The following MGST1 variants were observed in gnomAD, a reference collection of about 807,000 sequenced individuals.
MGST1 encodes the protein microsomal glutathione S-transferase 1.
MGST1 carries 5 observed loss-of-function variants against 8.9 expected under a neutral mutation model. That is an observed-to-expected ratio of 0.56 (90% CI 0.29 to 1.19). The LOEUF is 1.19. Ranked by LOEUF, MGST1 falls within the 50% of genes most tolerant of loss-of-function variation. MGST1 has a pLI of 0.08. For missense variants in MGST1, 182 were observed against 187.4 expected (o/e 0.97, Z 0.17); for synonymous variants, 54 against 67.8 (o/e 0.80, Z 1.00).
downstream of MGST1, among the ~76,000 whole-genome samples, chr12:16,591,406 C>T (rs926122653): frequency 6.6e-6 from 1 of 152,016 alleles, no homozygotes; most frequent in Non-Finnish European, 1.5e-5. This position sits in a 1 kb window ranked among gnomAD's most constrained non-coding sequence, Gnocchi z 4.1. Context: ...ATTCTACAAA[C>T]CTCTTGTACT....
chr12:16,567,039 A>G (rs1211368651), intron 4 of MGST1, among the ~76,000 whole-genome samples: 2 of 152,152 alleles, frequency 1.3e-5, no homozygotes, highest in African/African-American at 4.8e-5. Context: ...TACTAAAAAT[A>G]TGAAAAATTA....
exon 4 of MGST1, chr12:16,376,256 T>A (rs1021813250): frequency 3.0e-4 from 184 of 607,594 alleles, no homozygotes; most frequent in Non-Finnish European, 4.7e-4. Context: ...ATTTATCTTT[T>A]CAACATCTAA....
intron 4 of MGST1, among the ~76,000 whole-genome samples, chr12:16,473,373 A>G (rs1591739397): frequency 6.6e-6 from 1 of 152,332 alleles, no homozygotes; most frequent in East Asian, 1.9e-4. Flanking sequence ...GAGATTAAGT[A>G]ATTCAGCTCT....
chr12:16,401,389 G>T lies in MGST1; in HGVS notation n.778+17785G>T, dbSNP rs1940654602. ...TCCCACCCCAAATCCTAGGTTTCTG[G>T]TAATTTTGTTCAGGAGTTCTGGCTT... On this transcript the variant is annotated intron_variant and non_coding_transcript_variant, in intron 1 of 1. Transcript: ENST00000359720. This position sits in a 1 kb window ranked among gnomAD's most constrained non-coding sequence, Gnocchi z 4.3. The T allele has an allele frequency of 9.1e-7, 1 of 1,103,428 alleles. No individual in the cohort carries two copies. The highest frequency in any genetic ancestry group is 1.5e-5 in the African/African-American group (1 of 64,890). 68.4% of individuals were successfully genotyped at this position (1,103,428 alleles called of 1,614,324 possible). A position where few individuals can be genotyped will look rare whatever the true frequency, so the allele number is the denominator to read the frequency against.
At chr12:16,461,279 T>C (rs1052702833) in intron 4 of MGST1, among the ~76,000 whole-genome samples, 1 of 152,072 alleles carries the variant, frequency 6.6e-6, no homozygotes, top group East Asian at 1.9e-4. Context: ...TATTAATCCA[T>C]AGATACCCTG....
At chr12:16,384,658 T>C (rs1029908863) in intron 1 of MGST1, among the ~76,000 whole-genome samples, 1 of 152,244 alleles carries the variant, frequency 6.6e-6, no homozygotes, top group Non-Finnish European at 1.5e-5. Flanking sequence ...TGAATTGCTC[T>C]AGAAAACCAA....
intron 1 of MGST1, among the ~76,000 whole-genome samples, chr12:16,408,172 G>T (rs1004861846): frequency 1.3e-5 from 2 of 151,866 alleles, no homozygotes; most frequent in Non-Finnish European, 2.9e-5. Flanking sequence ...AGGATGCATG[G>T]ACATATGGAC....
At chr12:16,545,011 T>G (rs1224378836) in intron 4 of MGST1, among the ~76,000 whole-genome samples, 1 of 152,066 alleles carries the variant, frequency 6.6e-6, no homozygotes, top group African/African-American at 2.4e-5. Context: ...TAGAAAGATA[T>G]AAAACAAATA....
intron 4 of MGST1, among the ~76,000 whole-genome samples, chr12:16,462,010 A>T (rs1941224894): frequency 1.3e-5 from 2 of 152,098 alleles, no homozygotes; most frequent in Admixed American, 1.3e-4. Flanking sequence ...CTGTTTTCCT[A>T]AGGTCTCATC....
chr12:16,448,060 A>T (rs1941096092), intron 4 of MGST1, among the ~76,000 whole-genome samples: 1 of 151,930 alleles, frequency 6.6e-6, no homozygotes, highest in Non-Finnish European at 1.5e-5. Context: ...GGTTGTCGAG[A>T]TATCCAATGA....
At chr12:16,564,940 C>T (rs759134952) in intron 4 of MGST1, among the ~76,000 whole-genome samples, 2 of 152,040 alleles carry the variant, frequency 1.3e-5, no homozygotes, top group Non-Finnish European at 2.9e-5. Flanking sequence ...TGCATATCAA[C>T]AGACTTGGCT....
downstream of MGST1, among the ~76,000 whole-genome samples, chr12:16,441,750 T>C (rs557490826): frequency 7.9e-5 from 12 of 152,004 alleles, no homozygotes; most frequent in South Asian, 1.4e-3. Context: ...CTGAAGAACA[T>C]TTTGGTTGAT....
chr12:16,388,451 C>T (rs541508981), intron 1 of MGST1, among the ~76,000 whole-genome samples: 5 of 152,158 alleles, frequency 3.3e-5, no homozygotes, highest in South Asian at 4.1e-4. Context: ...AGCATCGTCA[C>T]GGAGCTGAAG....
chr12:16,350,167 G>A (rs1036634605), intron 1 of MGST1, among the ~76,000 whole-genome samples: 5 of 152,184 alleles, frequency 3.3e-5, no homozygotes, highest in African/African-American at 1.2e-4. Context: ...CTTACTAAGT[G>A]GCAGGGTCGA....
intron 4 of MGST1, among the ~76,000 whole-genome samples, chr12:16,545,403 G>A (rs1327702454): frequency 1.3e-5 from 2 of 151,942 alleles, no homozygotes; most frequent in South Asian, 2.1e-4. Context: ...CACACAGGGT[G>A]GGTGCCCACA....
rs1052895872 is a variant in MGST1 at position 16,538,293 on chromosome 12, A to G, written n.483-51235A>G. Among the ~76,000 whole-genome samples the G allele has an allele frequency of 2.6e-5, 4 of 152,072 alleles. No homozygotes were observed. The East Asian group carries it at 7.7e-4, about 29-fold the overall frequency. ...CCTCAGCCTGGCCCTTATTGTTCAA[A>G]TCACTATCATCATTTTTGTCAAAGC... On this transcript the variant is annotated intron_variant and non_coding_transcript_variant, in intron 4 of 4. Transcript: ENST00000538857.
chr12:16,457,105 G>T (rs1591734470), intron 4 of MGST1, among the ~76,000 whole-genome samples: 2 of 151,990 alleles, frequency 1.3e-5, no homozygotes, highest in South Asian at 2.1e-4. Flanking sequence ...GAGACTCATG[G>T]TTTCTGCATG....
intron 1 of MGST1, among the ~76,000 whole-genome samples, chr12:16,416,258 G>C (rs1402816382): frequency 6.6e-6 from 1 of 152,104 alleles, no homozygotes; most frequent in Non-Finnish European, 1.5e-5. Flanking sequence ...TAAATGTTCT[G>C]TTATAAGCTT....
At chr12:16,575,283 A>G (rs532829701) in intron 4 of MGST1, among the ~76,000 whole-genome samples, 5 of 152,222 alleles carry the variant, frequency 3.3e-5, no homozygotes, top group African/African-American at 1.2e-4. Flanking sequence ...CATAAGGTCA[A>G]TTTCCACACA....
Sources: gnomAD v4.1 joint callset for allele counts (sites outside exome capture counted in the v4.1 genomes callset) on GRCh38, gnomAD v4.1.1 for gene constraint, Gnocchi (gnomAD v3.1) non-coding constraint, MANE v1.5 for transcripts, NCBI Gene and HGNC (gene_info 2026-07-23, HGNC 2026-07-21) for gene names.